The following ZNF644 variants were observed in gnomAD, a reference collection of about 807,000 sequenced individuals.
ZNF644 encodes the protein zinc finger motif enhancer binding protein 2.
In ZNF644, 20 loss-of-function variants were observed where a neutral mutation model predicts 108.0. That is an observed-to-expected ratio of 0.19 (90% confidence interval 0.13 to 0.27). The LOEUF (loss-of-function observed/expected upper bound fraction) is 0.27, where lower values mean the gene tolerates loss of function less well. Ranked by LOEUF, ZNF644 falls within the 10% of genes least tolerant of loss-of-function variation. The pLI is 1.00. For synonymous variants in ZNF644, 542 were observed against 539.1 expected (o/e 1.01, Z -0.08); for missense variants, 1,338 against 1,548.9 (o/e 0.86, Z 2.29).
intron 4 of ZNF644, among the ~76,000 whole-genome samples, chr1:90,935,882 T>G (rs568379659): frequency 1.3e-5 from 2 of 152,156 alleles, no homozygotes; most frequent in African/African-American, 4.8e-5. Context: ...TGTTGAGAAG[T>G]TTCAAAGCTT....
At chr1:90,971,354 C>T (rs577018040) in intron 2 of ZNF644, among the ~76,000 whole-genome samples, 1 of 150,352 alleles carries the variant, frequency 6.7e-6, no homozygotes, top group South Asian at 2.1e-4. Flanking sequence ...ATAAACAGAT[C>T]CAACAAACTA....
intron 1 of ZNF644, among the ~76,000 whole-genome samples, chr1:91,005,999 C>A (rs993111721): frequency 6.6e-6 from 1 of 151,672 alleles, no homozygotes. Context: ...AATTGACAAA[C>A]CTTTAGCTCA....
At chr1:91,000,315 G>T (rs1451571840) in intron 1 of ZNF644, among the ~76,000 whole-genome samples, 1 of 152,108 alleles carries the variant, frequency 6.6e-6, no homozygotes, top group African/African-American at 2.4e-5. Flanking sequence ...AAATGTAAAA[G>T]AACAGAAATT....
intron 1 of ZNF644, among the ~76,000 whole-genome samples, chr1:90,985,678 A>G (rs896697584): frequency 2.6e-5 from 4 of 152,170 alleles, no homozygotes; most frequent in African/African-American, 9.6e-5. Flanking sequence ...TTGTGCATAT[A>G]TACCACGTTT....
chr1:90,997,588 G>A (rs1658277723), intron 1 of ZNF644, among the ~76,000 whole-genome samples: 1 of 152,048 alleles, frequency 6.6e-6, no homozygotes, highest in Non-Finnish European at 1.5e-5. Context: ...GTTCCAAGAT[G>A]GCCGAAAAGG....
intron 1 of ZNF644, chr1:91,021,682 C>G (rs1200087685): frequency 6.1e-6 from 1 of 164,114 alleles, no homozygotes; most frequent in African/African-American, 2.4e-5. Context: ...CGGCGGCCGC[C>G]GCTCACCTCA....
chr1:91,009,737 A>G (rs535130250), intron 1 of ZNF644, among the ~76,000 whole-genome samples: 1 of 152,270 alleles, frequency 6.6e-6, no homozygotes, highest in African/African-American at 2.4e-5. Flanking sequence ...GCATAACTTT[A>G]TTGGTTTTCA....
intron 1 of ZNF644, among the ~76,000 whole-genome samples, chr1:90,999,128 T>C (rs1306035182): frequency 6.6e-6 from 1 of 152,144 alleles, no homozygotes; most frequent in Non-Finnish European, 1.5e-5. Flanking sequence ...TGCAGGATAT[T>C]ATCCAGGAGA....
chr1:90,932,550 T>G (rs1014997819), intron 4 of ZNF644, among the ~76,000 whole-genome samples: 2 of 152,228 alleles, frequency 1.3e-5, no homozygotes, highest in African/African-American at 4.8e-5. Context: ...AATGAATCAC[T>G]TATAATAACC....
intron 1 of ZNF644, among the ~76,000 whole-genome samples, chr1:91,006,877 T>C (rs1236418940): frequency 6.6e-6 from 1 of 152,088 alleles, no homozygotes; most frequent in Non-Finnish European, 1.5e-5. Flanking sequence ...TTGAAGTAAA[T>C]ATTCTAACAA....
chr1:90,992,212 G>T (rs1422427272), intron 1 of ZNF644, among the ~76,000 whole-genome samples: 1 of 152,142 alleles, frequency 6.6e-6, no homozygotes, highest in Non-Finnish European at 1.5e-5. Flanking sequence ...TATCTTGAAT[G>T]ATTTCATAGG....
chr1:90,972,444 TCAAAAAA>T (rs1655588977), intron 2 of ZNF644, among the ~76,000 whole-genome samples: 1 of 151,890 alleles, frequency 6.6e-6, no homozygotes, highest in Admixed American at 6.6e-5. Flanking sequence ...ATAGCCACTA[TCAAAAAA>T]CAAAAAACAA....
At chr1:91,010,577 C>G (rs1270134257) in intron 1 of ZNF644, among the ~76,000 whole-genome samples, 1 of 151,966 alleles carries the variant, frequency 6.6e-6, no homozygotes, top group African/African-American at 2.4e-5. Context: ...TTCCACCAAC[C>G]TATACACACC....
At chr1:90,919,053 CTTTA>C (rs1557538393) in intron 4 of ZNF644, among the ~76,000 whole-genome samples, 1 of 151,224 alleles carries the variant, frequency 6.6e-6, no homozygotes, top group African/African-American at 2.4e-5. Context: ...TTGACTTTTC[CTTTA>C]TTTATTCTAA....
chr1:91,001,445 T>C (rs1194432389), intron 1 of ZNF644, among the ~76,000 whole-genome samples: 1 of 152,138 alleles, frequency 6.6e-6, no homozygotes, highest in Admixed American at 6.5e-5. Context: ...CACATGATTA[T>C]CTCAATAGAT....
chr1:90,964,753 A>G (rs1654672658), intron 2 of ZNF644, among the ~76,000 whole-genome samples: 1 of 152,172 alleles, frequency 6.6e-6, no homozygotes, highest in Non-Finnish European at 1.5e-5. Context: ...TTTAAATAAG[A>G]CTGTGAAGTA....
intron 1 of ZNF644, among the ~76,000 whole-genome samples, chr1:91,001,591 C>T (rs1194853356): frequency 6.6e-6 from 1 of 152,096 alleles, no homozygotes. Flanking sequence ...ACTGAATGGA[C>T]AAAAACTGGA....
chr1:90,991,925 C>T (rs1657672901), intron 1 of ZNF644, among the ~76,000 whole-genome samples: 1 of 152,062 alleles, frequency 6.6e-6, no homozygotes, highest in Non-Finnish European at 1.5e-5. Flanking sequence ...GAAAAATGTC[C>T]ACCAACAGGT....
intron 5 of ZNF644, among the ~76,000 whole-genome samples, chr1:90,917,413 C>T (rs1383133076): frequency 1.3e-5 from 2 of 152,076 alleles, no homozygotes; most frequent in Non-Finnish European, 2.9e-5. Context: ...AAAATGTGTT[C>T]CCAATAAGCG....
Sources: gnomAD v4.1 joint callset for allele counts (sites outside exome capture counted in the v4.1 genomes callset) on GRCh38, gnomAD v4.1.1 for gene constraint, MANE v1.5 for transcripts, NCBI Gene and HGNC (gene_info 2026-07-23, HGNC 2026-07-21) for gene names.